Variants in RPA1 observed in about 807,000 individuals in gnomAD.
RPA1 encodes the protein replication protein A1, also known as replication protein A 70 kDa DNA-binding subunit.
A neutral mutation model predicts 83.0 loss-of-function variants in RPA1; 49 were observed. The observed-to-expected ratio is 0.59, with a 90% CI of 0.47 to 0.75. RPA1 has a LOEUF of 0.75. RPA1 is among the 30% of genes least tolerant of loss of function. The pLI, the probability that RPA1 is intolerant of heterozygous loss-of-function variation, is 0.00. For synonymous variants in RPA1, 279 were observed against 281.8 expected, an observed-to-expected ratio of 0.99 and a Z score of 0.10; for missense variants, 693 against 776.1, an observed-to-expected ratio of 0.89 and a Z score of 1.27.
At chr17:1,831,207 C>T (rs1168580243) in intron 1 of RPA1, among the ~76,000 whole-genome samples, 4 of 152,170 alleles carry the variant, frequency 2.6e-5, no homozygotes, top group African/African-American at 7.2e-5. Flanking sequence ...GTTCAGTATA[C>T]GTATCCCAAA....
intron 1 of RPA1, among the ~76,000 whole-genome samples, chr17:1,836,440 A>G (rs1911825335): frequency 6.6e-6 from 1 of 152,046 alleles, no homozygotes; most frequent in Admixed American, 6.6e-5. Context: ...GTACAGCTTG[A>G]TGAACTTTGA....
intron 14 of RPA1, among the ~76,000 whole-genome samples, chr17:1,890,853 T>C (rs1028733504): frequency 1.3e-5 from 2 of 152,076 alleles, no homozygotes; most frequent in Non-Finnish European, 2.9e-5. Context: ...CCCGCACACT[T>C]GTTTGATTTG....
At chr17:1,876,280 C>T (rs902196915) in intron 7 of RPA1, among the ~76,000 whole-genome samples, 6 of 152,180 alleles carry the variant, frequency 3.9e-5, no homozygotes, top group South Asian at 4.1e-4. Context: ...TGAAGCCGGG[C>T]GCGGTGGCTC....
chr17:1,892,516 G>T (rs1351002100), intron 15 of RPA1, among the ~76,000 whole-genome samples: 1 of 152,196 alleles, frequency 6.6e-6, no homozygotes, highest in Non-Finnish European at 1.5e-5. Flanking sequence ...CGTTTCTCCT[G>T]TTCCTATTAG....
At chr17:1,842,958 C>A in intron 2 of RPA1, 105 bp downstream of exon 2, 2 of 1,144,642 alleles carry the variant, frequency 1.7e-6, no homozygotes, top group South Asian at 1.3e-5. Flanking sequence ...TTCGGAAATT[C>A]ACCCCCAGTC....
chr17:1,855,164 T>C (rs146392847), intron 5 of RPA1, among the ~76,000 whole-genome samples: 1 of 152,162 alleles, frequency 6.6e-6, no homozygotes, highest in African/African-American at 2.4e-5. Flanking sequence ...GTGAGTTACA[T>C]TGATTGATTT....
intron 1 of RPA1, among the ~76,000 whole-genome samples, chr17:1,831,242 T>A (rs187008178): frequency 3.9e-5 from 6 of 152,354 alleles, no homozygotes; most frequent in African/African-American, 1.4e-4. Flanking sequence ...TTTCTAAGTC[T>A]GGGCCTCTTG....
At chr17:1,867,956 T>TG (rs928741841) in intron 5 of RPA1, among the ~76,000 whole-genome samples, 4 of 151,772 alleles carry the variant, frequency 2.6e-5, no homozygotes, top group African/African-American at 4.8e-5. Context: ...CGTGATCTCG[T>TG]GTAACTAGTT....
chr17:1,877,433 G>A, intron 8 of RPA1, 119 bp downstream of exon 8: 1 of 811,992 alleles, frequency 1.2e-6, no homozygotes. Flanking sequence ...GCGGAGGGCA[G>A]TGGGCTCGCC....
At chr17:1,835,879 T>G (rs529817557) in intron 1 of RPA1, among the ~76,000 whole-genome samples, 1 of 152,236 alleles carries the variant, frequency 6.6e-6, no homozygotes, top group Admixed American at 6.5e-5. Flanking sequence ...TCTCAGCACT[T>G]GGGGAGGCTA....
intron 14 of RPA1, among the ~76,000 whole-genome samples, chr17:1,890,570 G>A (rs989244042): frequency 3.9e-5 from 6 of 152,110 alleles, no homozygotes; most frequent in African/African-American, 1.2e-4. Context: ...GGCTGAGGCC[G>A]GGGAATGGCA....
chr17:1,850,666 C>G (rs988053950), intron 4 of RPA1, among the ~76,000 whole-genome samples: 1 of 151,994 alleles, frequency 6.6e-6, no homozygotes, highest in Non-Finnish European at 1.5e-5. Context: ...GAGGCTGAGG[C>G]AGGTGGATCA....
intron 9 of RPA1, 54 bp downstream of exon 9, chr17:1,879,115 A>T: frequency 6.2e-7 from 1 of 1,612,450 alleles, no homozygotes; most frequent in Non-Finnish European, 8.5e-7. Flanking sequence ...AGTGCGGATG[A>T]AAAGACGCTG....
intron 13 of RPA1, among the ~76,000 whole-genome samples, chr17:1,885,022 C>T (rs1233566245): frequency 1.3e-5 from 2 of 152,186 alleles, no homozygotes; most frequent in Non-Finnish European, 2.9e-5. Flanking sequence ...GTTGACTCTT[C>T]CTTTCACAAA....
intron 15 of RPA1, among the ~76,000 whole-genome samples, chr17:1,892,488 T>G (rs1248361177): frequency 6.6e-6 from 1 of 152,218 alleles, no homozygotes; most frequent in Admixed American, 6.5e-5. Flanking sequence ...CCAAAGCACT[T>G]TCTAAATCGA....
chr17:1,849,283 G>A (rs1196978218), intron 4 of RPA1, among the ~76,000 whole-genome samples: 4 of 136,156 alleles, frequency 2.9e-5, no homozygotes, highest in Admixed American at 1.6e-4. Context: ...ATTTTTGTTG[G>A]CTGTTCTTTT....
At chr17:1,875,903 C>A in intron 7 of RPA1, 110 bp downstream of exon 7, 13 of 980,500 alleles carry the variant, frequency 1.3e-5, no homozygotes, top group East Asian at 3.0e-5. Flanking sequence ...CAAATACCAC[C>A]AAATAGAATG....
intron 5 of RPA1, among the ~76,000 whole-genome samples, chr17:1,855,990 TA>T (rs1296483445): frequency 6.6e-6 from 1 of 152,170 alleles, no homozygotes; most frequent in Non-Finnish European, 1.5e-5. Flanking sequence ...ATAAATATTC[TA>T]AACACCCCAA....
intron 1 of RPA1, among the ~76,000 whole-genome samples, chr17:1,833,290 C>T (rs1228194644): frequency 6.6e-6 from 1 of 152,118 alleles, no homozygotes; most frequent in East Asian, 1.9e-4. Flanking sequence ...TGCATTGTAT[C>T]CCCAATACCT....
Sources: gnomAD v4.1 joint callset for allele counts (sites outside exome capture counted in the v4.1 genomes callset) on GRCh38, gnomAD v4.1.1 for gene constraint, MANE v1.5 for transcripts, NCBI Gene and HGNC (gene_info 2026-07-23, HGNC 2026-07-21) for gene names.